The following NGLY1 variants were observed in gnomAD, a reference collection of about 807,000 sequenced individuals.
NGLY1 encodes the protein N-glycanase 1.
NGLY1 carries 68 observed loss-of-function variants against 84.6 expected under a neutral mutation model. The ratio of observed to expected loss-of-function variants is 0.80; its 90% CI spans 0.66 to 0.98. The LOEUF (loss-of-function observed/expected upper bound fraction) is 0.98. NGLY1 is among the 50% of genes least tolerant of loss of function. NGLY1 has a pLI of 0.00. For synonymous variants in NGLY1, 280 were observed against 275.2 expected (o/e 1.02, Z -0.17); for missense variants, 779 against 770.2 (o/e 1.01, Z -0.14).
chr3:25,778,671 T>C lies in NGLY1; in HGVS notation c.149A>G (p.Lys50Arg), dbSNP rs1167520078. The change falls in exon 2 of 12, where the codon AAA becomes AGA. Residue 50 changes from lysine (K) to arginine (R), a missense_variant. Lys to Arg is a conservative substitution (Grantham distance 26). Coordinates refer to ENST00000280700, the MANE Select transcript of NGLY1 (RefSeq NM_018297.4). ...GTTTCCAATCCGGATGGATCTATAT[T>C]TTTCATCATTAGGGTTTCTGACAAA... Reference protein sequence around the residue: ...DNILRNPNDEKYRSIRIGNTA... With the variant: ...DNILRNPNDERYRSIRIGNTA... 6.2e-7 allele frequency: 1 copy of C among 1,603,996 alleles called. No individual in the cohort carries two copies. The highest frequency in any genetic ancestry group is 8.5e-7 in the Non-Finnish European group (1 of 1,175,314).
At chr3:25,777,176 G>A (rs1250196424) in intron 2 of NGLY1, among the ~76,000 whole-genome samples, 3 of 152,112 alleles carry the variant, frequency 2.0e-5, no homozygotes, top group Non-Finnish European at 4.4e-5. Context: ...CGGGCGGATC[G>A]CCTGAGGTCA....
intron 4 of NGLY1, among the ~76,000 whole-genome samples, chr3:25,743,019 A>AT (rs1171278350): frequency 6.6e-6 from 1 of 151,826 alleles, no homozygotes; most frequent in East Asian, 1.9e-4. Context: ...GTAAATGGAG[A>AT]TTTTACACAC....
intron 4 of NGLY1, among the ~76,000 whole-genome samples, chr3:25,741,352 A>C (rs527781414): frequency 6.6e-6 from 1 of 152,246 alleles, no homozygotes; most frequent in African/African-American, 2.4e-5. Flanking sequence ...CAGATTTCTA[A>C]GCAAATGCAC....
intron 3 of NGLY1, among the ~76,000 whole-genome samples, chr3:25,759,224 C>T (rs142971872): frequency 5.6e-4 from 85 of 151,132 alleles, no homozygotes; most frequent in African/African-American, 1.9e-3. Flanking sequence ...ATGGGTACAA[C>T]AGCTGACAAA....
intron 6 of NGLY1, chr3:25,736,828 C>T (rs1705849124): frequency 6.2e-6 from 1 of 161,718 alleles, no homozygotes; most frequent in Admixed American, 6.1e-5. Context: ...ATATAAACAG[C>T]ATCACTATAA....
intron 4 of NGLY1, among the ~76,000 whole-genome samples, chr3:25,746,563 G>T (rs1359841148): frequency 6.6e-6 from 1 of 152,168 alleles, no homozygotes; most frequent in Non-Finnish European, 1.5e-5. Context: ...AGATTTTTAT[G>T]GGAAATGGAC....
intron 2 of NGLY1, among the ~76,000 whole-genome samples, chr3:25,772,435 T>C (rs914107195): frequency 2.0e-5 from 3 of 152,182 alleles, no homozygotes; most frequent in Admixed American, 2.0e-4. Context: ...TGCTTTGAAG[T>C]CTGTTTTGTC....
chr3:25,737,517 T>C (rs1705899089), intron 5 of NGLY1, 62 bp from the exon 6 acceptor site: 6 of 1,365,340 alleles, frequency 4.4e-6, no homozygotes, highest in Non-Finnish European at 6.0e-6. Context: ...GAATTTACAT[T>C]ACCTCTATGC....
chr3:25,737,612 G>A (rs1055971748), intron 5 of NGLY1, among the ~76,000 whole-genome samples, 157 bp from the exon 6 acceptor site: 3 of 149,642 alleles, frequency 2.0e-5, no homozygotes, highest in African/African-American at 2.5e-5. Flanking sequence ...GCGCAATCTC[G>A]GCTCACTGCA....
chr3:25,742,530 C>T (rs556126562), intron 4 of NGLY1, among the ~76,000 whole-genome samples: 1 of 152,202 alleles, frequency 6.6e-6, no homozygotes, highest in Non-Finnish European at 1.5e-5. Context: ...TGAAAAAGAA[C>T]AGAACTGAAT....
Position 25,770,766 on chromosome 3 carries a change from T to G in NGLY1, c.247-6455A>C, listed in dbSNP as rs186572442. 1.3e-3 allele frequency among the ~76,000 whole-genome samples: 205 copies of G among 152,334 alleles called. 1 individual carries two copies. Among genetic ancestry groups the G allele is most frequent in the Non-Finnish European group, 2.2e-3 (153 of 68,020 alleles). On this transcript the variant is annotated intron_variant, in intron 2 of 11. Coordinates refer to ENST00000280700, the MANE Select transcript of NGLY1 (RefSeq NM_018297.4). Reference sequence around the variant, plus strand: ...TATGGCCATTCTTGCAGCAGTAAGGTGTTGTCACACTGTGGTTTTGATTTG... The same window carrying G: ...TATGGCCATTCTTGCAGCAGTAAGGGGTTGTCACACTGTGGTTTTGATTTG...
At chr3:25,728,827 A>G (rs1458985576) in intron 10 of NGLY1, among the ~76,000 whole-genome samples, 1 of 152,118 alleles carries the variant, frequency 6.6e-6, no homozygotes. Context: ...AATAGAATAT[A>G]TATGTATATA....
At chr3:25,757,933 T>C (rs1707123473) in intron 3 of NGLY1, among the ~76,000 whole-genome samples, 2 of 152,348 alleles carry the variant, frequency 1.3e-5, no homozygotes, top group South Asian at 2.1e-4. Flanking sequence ...CACTCCTACT[T>C]CTGCAGCTGT....
At chr3:25,783,839 G>A (rs1376270982), upstream of NGLY1, among the ~76,000 whole-genome samples, 1 of 152,114 alleles carries the variant, frequency 6.6e-6, no homozygotes, top group Non-Finnish European at 1.5e-5. The surrounding 1 kb of genome is among the most constrained non-coding windows in gnomAD (Gnocchi z 4.5). Context: ...TGGGCCTGGA[G>A]GAGGGGGATG....
chr3:25,764,112 G>A lies in NGLY1; in HGVS notation c.446C>T (p.Thr149Ile), dbSNP rs765826900. The A allele has an allele frequency of 6.2e-7, 1 of 1,614,162 alleles. No homozygotes were observed. The highest frequency in any genetic ancestry group is 1.1e-5 in the South Asian group (1 of 91,088). ...TGATGACTGCCCTTGACGGTTCCTT[G>A]TGTGCTGGTTTAACCCACTGGGATT... Reference protein sequence around the residue: ...SSNPSGLNQHTRNRQGQSSDP... With the variant: ...SSNPSGLNQHIRNRQGQSSDP... The change falls in exon 3 of 12, where the codon ACA becomes ATA. Residue 149 changes from threonine (T) to isoleucine (I), a missense_variant. Physicochemically the swap from Thr to Ile is moderately conservative, Grantham distance 89 (BLOSUM62 -1). Transcript: ENST00000280700.
chr3:25,751,989 C>T (rs1706778723), intron 3 of NGLY1, among the ~76,000 whole-genome samples: 1 of 152,130 alleles, frequency 6.6e-6, no homozygotes, highest in Non-Finnish European at 1.5e-5. Flanking sequence ...CATGTACTGC[C>T]CTTCTCCACA....
At chr3:25,781,887 T>C (rs866501034) in intron 1 of NGLY1, among the ~76,000 whole-genome samples, 3 of 152,230 alleles carry the variant, frequency 2.0e-5, no homozygotes, top group East Asian at 3.8e-4. Flanking sequence ...GGGTTTTAAA[T>C]AGCCTGGTGG....
At chr3:25,726,260 C>T (rs1705256647) in intron 10 of NGLY1, among the ~76,000 whole-genome samples, 1 of 152,152 alleles carries the variant, frequency 6.6e-6, no homozygotes, top group African/African-American at 2.4e-5. Flanking sequence ...CTTTACTAAA[C>T]ACTTACTATG....
chr3:25,729,112 T>C, intron 10 of NGLY1, 21 bp downstream of exon 10: 1 of 1,372,806 alleles, frequency 7.3e-7, no homozygotes, highest in Non-Finnish European at 9.6e-7. Flanking sequence ...AAGTTTTAAA[T>C]GGTTTTATGC....
Sources: gnomAD v4.1 joint callset for allele counts (sites outside exome capture counted in the v4.1 genomes callset) on GRCh38, gnomAD v4.1.1 for gene constraint, Gnocchi (gnomAD v3.1) non-coding constraint, MANE v1.5 for transcripts, NCBI Gene and HGNC (gene_info 2026-07-23, HGNC 2026-07-21) for gene names.